Variants in MCF2L observed in about 807,000 individuals in gnomAD.
MCF2L encodes the protein MCF.2 cell line derived transforming sequence like.
MCF2L carries 97 observed loss-of-function variants against 153.4 expected under a neutral mutation model. That is an observed-to-expected ratio of 0.63 (90% CI 0.54 to 0.75). MCF2L has a LOEUF of 0.75. MCF2L is among the 30% of genes least tolerant of loss of function. MCF2L has a pLI of 0.00. For missense variants in MCF2L, 1,347 were observed against 1,495.2 expected (o/e 0.90, Z 1.64); for synonymous variants, 659 against 632.2 (o/e 1.04, Z -0.64).
intron 17 of MCF2L, among the ~76,000 whole-genome samples, chr13:113,083,428 A>G (rs1250364814): frequency 2.0e-5 from 3 of 152,220 alleles, no homozygotes; most frequent in African/African-American, 7.2e-5. Flanking sequence ...AGTGTCCCTT[A>G]GTATCTGTCC....
intron 1 of MCF2L, among the ~76,000 whole-genome samples, chr13:112,991,453 G>T (rs1157730962): frequency 1.3e-5 from 2 of 152,162 alleles, no homozygotes; most frequent in African/African-American, 4.8e-5. Context: ...TGTCTCTCAG[G>T]ATACGAACAC....
intron 1 of MCF2L, among the ~76,000 whole-genome samples, chr13:112,996,805 C>G: frequency 6.6e-6 from 1 of 152,194 alleles, no homozygotes. Flanking sequence ...CTGGCAGTGC[C>G]GCCCACGGCA....
At chr13:113,075,915 G>A (rs372191059) in intron 11 of MCF2L, 51 bp from the exon 12 acceptor site, 14 of 1,412,724 alleles carry the variant, frequency 9.9e-6, no homozygotes, top group African/African-American at 4.3e-5. Flanking sequence ...ACAGGGTGAC[G>A]CTCTCACCCT....
intron 1 of MCF2L, among the ~76,000 whole-genome samples, chr13:112,975,150 G>A (rs2082171912): frequency 6.6e-6 from 1 of 152,192 alleles, no homozygotes; most frequent in Non-Finnish European, 1.5e-5. Context: ...AGAAGCATCT[G>A]TTACGCCTTT....
At chr13:112,912,165 T>C (rs2081239486) in intron 2 of MCF2L, among the ~76,000 whole-genome samples, 1 of 152,082 alleles carries the variant, frequency 6.6e-6, no homozygotes, top group Non-Finnish European at 1.5e-5. Flanking sequence ...CTGTGTTTAG[T>C]TTATTCAGAA....
At chr13:113,096,012 C>T (rs544119477) in intron 27 of MCF2L, 283 of 384,220 alleles carry the variant, frequency 7.4e-4, no homozygotes, top group Non-Finnish European at 1.2e-3. Context: ...CGGGGAGTAC[C>T]AAGGAAGGCC....
intron 1 of MCF2L, among the ~76,000 whole-genome samples, chr13:112,975,032 G>A (rs1017183608): frequency 2.6e-5 from 4 of 152,198 alleles, no homozygotes; most frequent in East Asian, 1.9e-4. Context: ...GTCACCATCC[G>A]TAGAGTTGGA....
Position 113,064,638 on chromosome 13 carries a change from C to CAAAAA in MCF2L, c.606+230_606+234dup. On this transcript the variant is annotated intron_variant, in intron 6 of 29. Coordinates refer to ENST00000535094, the MANE Select transcript of MCF2L (RefSeq NM_001112732.3). This position sits in a 1 kb window ranked among gnomAD's most constrained non-coding sequence, Gnocchi z 6.0. Reference sequence around the variant, plus strand: ...AGTGGCTTTCTCTGGGCTTGGAGACCAAAAAAAAAAAAAAAACCCTTGCGT... The same window carrying CAAAAA: ...AGTGGCTTTCTCTGGGCTTGGAGACCAAAAAAAAAAAAAAAAAAAAACCCTTGCGT... 2.2e-6 allele frequency: 1 copy of CAAAAA among 464,458 alleles called. No homozygotes were observed. The highest frequency in any genetic ancestry group is 3.4e-5 in the East Asian group (1 of 29,366). The allele number at this position is 464,458 out of a possible 1,614,324, so 28.8% of individuals were successfully genotyped here.
upstream of MCF2L, among the ~76,000 whole-genome samples, chr13:112,967,015 C>A (rs930529972): frequency 6.6e-6 from 1 of 152,136 alleles, no homozygotes; most frequent in African/African-American, 2.4e-5. Context: ...GGAGAGCGGC[C>A]GGGAGAAGAG....
At position 113,070,567 on chromosome 13, in the gene MCF2L, C is replaced by A. The variant is rs984095889; in HGVS notation, c.996+394C>A. Among the ~76,000 whole-genome samples the A allele has an allele frequency of 4.6e-5, 7 of 152,206 alleles. No individual in the cohort carries two copies. Among genetic ancestry groups the A allele is most frequent in the African/African-American group, 1.7e-4 (7 of 41,450 alleles). On this transcript the variant is annotated intron_variant, in intron 9 of 29. Coordinates refer to ENST00000535094, the MANE Select transcript of MCF2L (RefSeq NM_001112732.3). This position sits in a 1 kb window ranked among gnomAD's most constrained non-coding sequence, Gnocchi z 5.6. ...AGTCATGAGGTGCACAGCGACACGG[C>A]CAGTGCAGCCAGACCCAGACGTCTC...
chr13:112,976,709 T>C (rs1298854117), intron 1 of MCF2L, among the ~76,000 whole-genome samples: 2 of 152,112 alleles, frequency 1.3e-5, no homozygotes, highest in Non-Finnish European at 2.9e-5. Context: ...GGGCTGGGAC[T>C]GAAGGAGAGG....
At chr13:113,003,074 G>T (rs554218046) in intron 1 of MCF2L, among the ~76,000 whole-genome samples, 1 of 152,110 alleles carries the variant, frequency 6.6e-6, no homozygotes, top group East Asian at 1.9e-4. Context: ...CACCTGGGGG[G>T]CTGAGAGGGG....
intron 1 of MCF2L, among the ~76,000 whole-genome samples, chr13:112,972,913 C>T (rs1209964606): frequency 1.4e-5 from 2 of 145,068 alleles, no homozygotes; most frequent in African/African-American, 5.1e-5. Flanking sequence ...CTGGGAAGGG[C>T]CTGTGGCCTG....
At position 113,078,532 on chromosome 13, in the gene MCF2L, C is replaced by A. The variant is rs1277712564; in HGVS notation, c.1734+96C>A. ...TGTGGCCCCCCCTCCCGGGCACTGCCCAGCTACCTGGCCAGCTCCCCATCG... is the reference window on the plus strand; with the variant it reads ...TGTGGCCCCCCCTCCCGGGCACTGCACAGCTACCTGGCCAGCTCCCCATCG... On this transcript the variant is annotated intron_variant, in intron 14 of 29. Coordinates refer to ENST00000535094, the MANE Select transcript of MCF2L (RefSeq NM_001112732.3). 7.2e-6 allele frequency: 10 copies of A among 1,386,556 alleles called. No individual in the cohort carries two copies. The East Asian group carries it at 2.2e-4, about 30-fold the overall frequency. 85.9% of individuals were successfully genotyped at this position (1,386,556 alleles called of 1,614,324 possible).
rs373718146 is a variant in MCF2L, at chr13:113,044,618, G to C, written c.279-653G>C. On this transcript the variant is annotated intron_variant, in intron 3 of 29. Transcript: ENST00000535094. ...TGGCTTGGCTGCAGAGTGAGCCCAC[G>C]GAAGAGGGCTCTCCGCACCGACTCT... 4.4e-6 allele frequency: 7 copies of C among 1,585,314 alleles called. No homozygotes were observed. The South Asian group carries it at 6.9e-5, about 16-fold the overall frequency.
intron 2 of MCF2L, chr13:112,957,232 C>G (rs1427386089): frequency 6.6e-6 from 1 of 152,274 alleles, no homozygotes; most frequent in African/African-American, 2.4e-5. Context: ...GCTGCTCTTA[C>G]AAATGCCATC....
chr13:113,048,000 T>G lies in MCF2L; in HGVS notation c.369+2639T>G, dbSNP rs76402281. 5.4e-3 allele frequency among the ~76,000 whole-genome samples: 822 copies of G among 152,246 alleles called. 49 individuals carry two copies. The East Asian group carries it at 0.12, about 23-fold the overall frequency. On this transcript the variant is annotated intron_variant, in intron 4 of 29. Transcript: ENST00000535094. Reference sequence around the variant, plus strand: ...TCAGATTAATCAGTCACTCCCGGGTTAGATGACAAGAGCTTCCCCAGATAC... The same window carrying G: ...TCAGATTAATCAGTCACTCCCGGGTGAGATGACAAGAGCTTCCCCAGATAC...
intron 18 of MCF2L, 54 bp downstream of exon 18, chr13:113,084,121 A>G (rs2034409219): frequency 3.0e-6 from 4 of 1,352,624 alleles, no homozygotes; most frequent in South Asian, 2.3e-5. Flanking sequence ...GTACTGAATA[A>G]TGACTTCAGA....
rs116942706 is a variant in MCF2L, at chr13:112,904,768, C to G, written c.169+2397C>G. On this transcript the variant is annotated intron_variant, in intron 2 of 29. Transcript: ENST00000375608. The surrounding 1 kb of genome is among the most constrained non-coding windows in gnomAD (Gnocchi z 4.2). ...CTGCGGCCTGCGGGAGAACCGCACT[C>G]GGCTCTCAGGCCCTGCCTGCACCAC... 6.6e-6 allele frequency among the ~76,000 whole-genome samples: 1 copy of G among 152,260 alleles called. No individual in the cohort carries two copies. The highest frequency in any genetic ancestry group is 6.5e-5 in the Admixed American group (1 of 15,292).
Sources: allele counts gnomAD v4.1 joint callset (sites outside exome capture counted in the v4.1 genomes callset), GRCh38; gene constraint gnomAD v4.1.1; non-coding constraint Gnocchi (gnomAD v3.1); transcripts MANE v1.5; gene names NCBI Gene and HGNC (gene_info 2026-07-23, HGNC 2026-07-21).